The following DIS3L2 variants were observed in gnomAD, a reference collection of about 807,000 sequenced individuals.
DIS3L2 encodes DIS3 like 3'-5' exoribonuclease 2, also known as DIS3-like exonuclease 2.
DIS3L2 carries 34 observed loss-of-function variants against 97.5 expected under a neutral mutation model. The observed-to-expected ratio is 0.35, with a 90% CI of 0.27 to 0.46. The LOEUF is 0.46. Among genes scored for constraint, DIS3L2 ranks in the 20% least tolerant of loss-of-function variants. The probability of loss-of-function intolerance (pLI) is 1.00; values close to 1 mark genes in which losing one functional copy is unlikely to be tolerated. For missense variants in DIS3L2, 1,038 were observed against 1,146.0 expected, an observed-to-expected ratio of 0.91 and a Z score of 1.36; for synonymous variants, 435 against 445.2, an observed-to-expected ratio of 0.98 and a Z score of 0.29.
intron 14 of DIS3L2, chr2:232,329,611 C>T (rs1181500243): frequency 1.4e-5 from 7 of 496,124 alleles, no homozygotes; most frequent in Admixed American, 1.2e-4. Flanking sequence ...GCGGTGTAGA[C>T]CAACTGGTGC....
At chr2:232,075,765 T>C (rs1423732764) in intron 5 of DIS3L2, among the ~76,000 whole-genome samples, 1 of 152,174 alleles carries the variant, frequency 6.6e-6, no homozygotes, top group Non-Finnish European at 1.5e-5. Flanking sequence ...CCCCTTCCCC[T>C]TGCTTCAGGT....
intron 5 of DIS3L2, among the ~76,000 whole-genome samples, chr2:232,079,599 C>CAAAAA (rs760870721): frequency 3.4e-5 from 1 of 29,620 alleles, no homozygotes; most frequent in Non-Finnish European, 5.7e-5. Flanking sequence ...GACTCTATCT[C>CAAAAA]AAAAAAAAAA....
intron 14 of DIS3L2, among the ~76,000 whole-genome samples, chr2:232,319,874 GA>G (rs1695377239): frequency 6.6e-6 from 1 of 152,224 alleles, no homozygotes; most frequent in African/African-American, 2.4e-5. Context: ...TCTGACTTAC[GA>G]TTGACCCAGC....
chr2:232,125,614 A>G (rs78830047), intron 6 of DIS3L2, among the ~76,000 whole-genome samples: 528 of 152,296 alleles, frequency 3.5e-3, no homozygotes, highest in African/African-American at 0.012. Context: ...TGCTGTGAAA[A>G]TTCTTTGGCA....
At position 231,992,180 on chromosome 2, in the gene DIS3L2, A is replaced by G. The variant is rs148300675; in HGVS notation, c.-93-22655A>G. Reference sequence around the variant, plus strand: ...ACATGACCCACTTGGGATTGTGGAGAAGGCATCCCAAGAGCTGGAGAAATT... The same window carrying G: ...ACATGACCCACTTGGGATTGTGGAGGAGGCATCCCAAGAGCTGGAGAAATT... On this transcript the variant is annotated intron_variant, in intron 1 of 20. Coordinates refer to ENST00000325385, the MANE Select transcript of DIS3L2 (RefSeq NM_152383.5). Among the ~76,000 whole-genome samples, 620 of 152,274 alleles carry G rather than the reference A, an allele frequency of 4.1e-3. 5 individuals are homozygous for G. The highest frequency in any genetic ancestry group is 0.014 in the African/African-American group (571 of 41,538).
Position 232,292,982 on chromosome 2 carries a change from T to C in DIS3L2, c.1660-7058T>C, listed in dbSNP as rs1323624636. 6.6e-6 allele frequency among the ~76,000 whole-genome samples: 1 copy of C among 152,120 alleles called. No homozygotes were observed. Among genetic ancestry groups the C allele is most frequent in the East Asian group, 1.9e-4 (1 of 5,168 alleles). On this transcript the variant is annotated intron_variant, in intron 13 of 20. Transcript: ENST00000325385. This position sits in a 1 kb window ranked among gnomAD's most constrained non-coding sequence, Gnocchi z 4.4. ...GAGCTCTCCTGCTTGACATGGCAGC[T>C]GCCTCTGGAGAGAGAAAGACCTTGT...
At chr2:232,218,285 A>C (rs1029783453) in intron 10 of DIS3L2, among the ~76,000 whole-genome samples, 1 of 152,262 alleles carries the variant, frequency 6.6e-6, no homozygotes, top group African/African-American at 2.4e-5. Flanking sequence ...TCATGTGCAC[A>C]TCACAGATAG....
chr2:232,250,230 A>C (rs189781840), intron 12 of DIS3L2, among the ~76,000 whole-genome samples: 1 of 152,330 alleles, frequency 6.6e-6, no homozygotes, highest in African/African-American at 2.4e-5. Flanking sequence ...AAATGGAAGT[A>C]AAAAAAGATA....
chr2:232,115,331 T>A lies in DIS3L2; in HGVS notation c.602-15288T>A, dbSNP rs570630242. Among the ~76,000 whole-genome samples, 10 of 152,266 alleles carry A rather than the reference T, an allele frequency of 6.6e-5. No individual in the cohort carries two copies. The South Asian group carries it at 1.7e-3, about 25-fold the overall frequency. ...AAAAAAAAAGAAAAACAAACCTAAT[T>A]CTGACAATTATTTGGAATCAGTCTG... On this transcript the variant is annotated intron_variant, in intron 6 of 20. Coordinates refer to ENST00000325385, the MANE Select transcript of DIS3L2 (RefSeq NM_152383.5).
At chr2:232,295,467 C>T (rs1321242991) in intron 13 of DIS3L2, among the ~76,000 whole-genome samples, 1 of 152,210 alleles carries the variant, frequency 6.6e-6, no homozygotes, top group African/African-American at 2.4e-5. Context: ...GATCCAATCC[C>T]TTGTCATCTC....
At chr2:232,123,787 G>T (rs909615605) in intron 6 of DIS3L2, among the ~76,000 whole-genome samples, 1 of 152,182 alleles carries the variant, frequency 6.6e-6, no homozygotes, top group African/African-American at 2.4e-5. Flanking sequence ...AGTTGCTGGG[G>T]ACAGAAATAA....
intron 12 of DIS3L2, among the ~76,000 whole-genome samples, chr2:232,259,182 A>G (rs1044809204): frequency 2.6e-5 from 4 of 152,124 alleles, no homozygotes; most frequent in Admixed American, 6.5e-5. Flanking sequence ...CAAAACAGCT[A>G]TGGGAAAGTG....
chr2:232,285,311 G>A lies in DIS3L2; in HGVS notation c.1660-14729G>A, dbSNP rs542537174. Among the ~76,000 whole-genome samples the A allele has an allele frequency of 2.8e-3, 429 of 152,246 alleles. 1 individual carries two copies. Among genetic ancestry groups the A allele is most frequent in the Non-Finnish European group, 4.7e-3 (317 of 68,024 alleles). On this transcript the variant is annotated intron_variant, in intron 13 of 20. Transcript: ENST00000325385. ...TATCTCTCACCTGCTCTCCCTGAGT[G>A]GACTCACCTAGCACCTGCAGGCTCC...
At chr2:232,126,790 C>T (rs1408642711) in intron 6 of DIS3L2, among the ~76,000 whole-genome samples, 1 of 152,110 alleles carries the variant, frequency 6.6e-6, no homozygotes, top group Non-Finnish European at 1.5e-5. Flanking sequence ...AGCGTTATTT[C>T]CCCCCTATTC....
At chr2:232,002,921 A>G (rs1693950553) in intron 1 of DIS3L2, among the ~76,000 whole-genome samples, 1 of 152,124 alleles carries the variant, frequency 6.6e-6, no homozygotes, top group Admixed American at 6.5e-5. Flanking sequence ...TCTTTTAGTT[A>G]ATTCAGAAGC....
rs72998118 is a variant in DIS3L2, at chr2:232,263,269, T to C, written c.1488T>C (p.His496=). 23,938 of 1,614,224 alleles carry C rather than the reference T, an allele frequency of 0.015. 247 individuals are homozygous for C. Among genetic ancestry groups the C allele is most frequent in the Non-Finnish European group, 0.017 (19,751 of 1,180,036 alleles). Residue 496 remains histidine (H), a synonymous_variant, in exon 13 of 21, where the codon CAT becomes CAC. Coordinates refer to ENST00000325385, the MANE Select transcript of DIS3L2 (RefSeq NM_152383.5). The part of the protein sequence containing the change: ...IRSCTKLSYE[H]AQSMIESPTE... ...CCTGCACCAAACTTAGCTACGAGCA[T>C]GCACAGAGCATGATTGAAAGCCCAA... is the stretch of plus-strand genomic sequence containing the variant.
intron 5 of DIS3L2, among the ~76,000 whole-genome samples, chr2:232,033,830 G>A (rs986503565): frequency 2.6e-5 from 4 of 152,146 alleles, no homozygotes; most frequent in African/African-American, 9.7e-5. Flanking sequence ...ACTTGATCGT[G>A]GTGGATAAGC....
intron 6 of DIS3L2, among the ~76,000 whole-genome samples, chr2:232,116,184 G>GAATA (rs74584053): frequency 0.26 from 9,065 of 35,516 alleles, 624 homozygotes; most frequent in East Asian, 0.44. Flanking sequence ...ATAAATAAAT[G>GAATA]AATAAATAAA....
chr2:232,243,356 G>T (rs1253921822), intron 11 of DIS3L2, among the ~76,000 whole-genome samples: 2 of 152,098 alleles, frequency 1.3e-5, no homozygotes, highest in East Asian at 3.9e-4. Context: ...GGAGTGGTAG[G>T]CGAAGGAGCT....
Sources: allele counts gnomAD v4.1 joint callset (sites outside exome capture counted in the v4.1 genomes callset), GRCh38; gene constraint gnomAD v4.1.1; non-coding constraint Gnocchi (gnomAD v3.1); transcripts MANE v1.5; gene names NCBI Gene and HGNC (gene_info 2026-07-23, HGNC 2026-07-21).